Variants in JARID2 observed in about 807,000 individuals in gnomAD.
JARID2 encodes protein Jumonji.
In JARID2, 21 loss-of-function variants were observed where a neutral mutation model predicts 125.6. The ratio of observed to expected loss-of-function variants is 0.17; its 90% CI spans 0.12 to 0.24. JARID2 has a LOEUF of 0.24. Ranked by LOEUF, JARID2 falls within the 10% of genes least tolerant of loss-of-function variation. The probability of loss-of-function intolerance (pLI) is 1.00; values close to 1 mark genes in which losing one functional copy is unlikely to be tolerated. For missense variants in JARID2, 1,303 were observed against 1,639.6 expected, an observed-to-expected ratio of 0.79 and a Z score of 3.55; for synonymous variants, 736 against 661.6, an observed-to-expected ratio of 1.11 and a Z score of -1.73.
intron 1 of JARID2, among the ~76,000 whole-genome samples, chr6:15,334,743 G>A (rs183623385): frequency 3.9e-5 from 6 of 152,206 alleles, no homozygotes; most frequent in Admixed American, 3.9e-4. Context: ...GATACAGAAG[G>A]CCTTTTGAAA....
At chr6:15,419,804 C>G (rs1303641812) in intron 3 of JARID2, among the ~76,000 whole-genome samples, 1 of 152,146 alleles carries the variant, frequency 6.6e-6, no homozygotes, top group African/African-American at 2.4e-5. Context: ...TTTTGAATCC[C>G]TTACTGGTTT....
At chr6:15,330,291 G>C (rs1251618391) in intron 1 of JARID2, among the ~76,000 whole-genome samples, 1 of 152,142 alleles carries the variant, frequency 6.6e-6, no homozygotes, top group Non-Finnish European at 1.5e-5. Context: ...GTGGCCAGGA[G>C]GTTATTTGGT....
In JARID2 at chr6:15,407,571, C is replaced by G. The variant is rs117630156; in HGVS notation, c.182-2653C>G. ...AAAGGGTATAGGAACCCTTCCCAGT[C>G]TTCCTGAGCTGCTCCTAGTCCTTAT... On this transcript the variant is annotated intron_variant, in intron 2 of 17. Coordinates refer to ENST00000341776, the MANE Select transcript of JARID2 (RefSeq NM_004973.4). 2.0e-3 allele frequency among the ~76,000 whole-genome samples: 299 copies of G among 152,326 alleles called. 5 individuals carry two copies. In the East Asian group the frequency reaches 0.055, roughly 28 times the overall value.
intron 4 of JARID2, among the ~76,000 whole-genome samples, chr6:15,459,042 T>C (rs1167700505): frequency 1.3e-5 from 2 of 152,226 alleles, no homozygotes; most frequent in Admixed American, 1.3e-4. Context: ...TCTAGGGGCA[T>C]TGGCAGAAGG....
intron 1 of JARID2, among the ~76,000 whole-genome samples, chr6:15,316,334 C>G (rs1451112803): frequency 3.9e-5 from 6 of 152,074 alleles, no homozygotes. Context: ...CTCGGCCACC[C>G]AAAGTGTTGG....
chr6:15,512,803 C>T lies in JARID2; in HGVS notation c.3136-112C>T, dbSNP rs958397790. On this transcript the variant is annotated intron_variant, in intron 14 of 17. Transcript: ENST00000341776. ...TTTTGAAGAGTTTTTAATCTAAATGCAATTCAAGATTTAGAAATTCAGACA... is the reference window on the plus strand; with the variant it reads ...TTTTGAAGAGTTTTTAATCTAAATGTAATTCAAGATTTAGAAATTCAGACA... 1.0e-5 allele frequency: 11 copies of T among 1,054,934 alleles called. No individual in the cohort carries two copies. In the Admixed American group the frequency reaches 1.1e-4, roughly 11 times the overall value. 65.3% of individuals were successfully genotyped at this position (1,054,934 alleles called of 1,614,324 possible).
rs1399059092 is a variant in JARID2, at chr6:15,511,223, C to CG, written c.2847-68dup. 3 of 1,023,924 alleles carry CG rather than the reference C, an allele frequency of 2.9e-6. No individual in the cohort carries two copies. In the African/African-American group the frequency reaches 4.7e-5, roughly 16 times the overall value. The allele number at this position is 1,023,924 out of a possible 1,614,324, so 63.4% of individuals were successfully genotyped here. ...CGTGTGCTCGGGTCCCTGAGGGTGA[C>CG]GGGGGTGGCCCAGTACATGCAGGAG... On this transcript the variant is annotated intron_variant, in intron 12 of 17. Transcript: ENST00000341776.
At chr6:15,488,164 T>TCC (rs1297388969) in intron 6 of JARID2, among the ~76,000 whole-genome samples, 1 of 152,052 alleles carries the variant, frequency 6.6e-6, no homozygotes, top group Non-Finnish European at 1.5e-5. Flanking sequence ...CCACCCGCTA[T>TCC]CCCCCAACAG....
At chr6:15,456,144 C>CACGCACAAG (rs554830009) in intron 4 of JARID2, among the ~76,000 whole-genome samples, 67 of 152,292 alleles carry the variant, frequency 4.4e-4, no homozygotes, top group African/African-American at 1.5e-3. Flanking sequence ...TGTGTTTGTG[C>CACGCACAAG]TACATGTACT....
chr6:15,296,269 A>C (rs555681695), intron 1 of JARID2, among the ~76,000 whole-genome samples: 55 of 152,296 alleles, frequency 3.6e-4, no homozygotes, highest in Admixed American at 9.2e-4. Context: ...TGTAGCGTGC[A>C]TTCTAATAGA....
chr6:15,364,986 G>C lies in JARID2; in HGVS notation c.46-9131G>C, dbSNP rs538935442. Among the ~76,000 whole-genome samples the C allele has an allele frequency of 1.7e-4, 26 of 152,178 alleles. No individual in the cohort carries two copies. The South Asian group carries it at 5.4e-3, about 32-fold the overall frequency. On this transcript the variant is annotated intron_variant, in intron 1 of 17. Transcript: ENST00000341776. Reference sequence around the variant, plus strand: ...GGTGCAGATTAGAATGTGGCATTTGGGGATTTTTTGGGGGTATATCATAAT... The same window carrying C: ...GGTGCAGATTAGAATGTGGCATTTGCGGATTTTTTGGGGGTATATCATAAT...
chr6:15,499,064 C>G (rs747421590), intron 7 of JARID2, among the ~76,000 whole-genome samples: 8 of 152,178 alleles, frequency 5.3e-5, no homozygotes, highest in Non-Finnish European at 1.2e-4. Flanking sequence ...AAAAGCCATA[C>G]TGTGCCTCCC....
At chr6:15,401,898 G>GT (rs34203284) in intron 2 of JARID2, among the ~76,000 whole-genome samples, 2,482 of 126,450 alleles carry the variant, frequency 0.02, 54 homozygotes, top group African/African-American at 0.047. Flanking sequence ...GTTGTCAGCA[G>GT]TTTTTTTTTT....
In JARID2 at chr6:15,496,405, G is replaced by C. The variant is rs768784464; in HGVS notation, c.1180G>C (p.Gly394Arg). 6.2e-7 allele frequency: 1 copy of C among 1,613,710 alleles called. No homozygotes were observed. Among genetic ancestry groups the C allele is most frequent in the Non-Finnish European group, 8.5e-7 (1 of 1,179,872 alleles). The change falls in exon 7 of 18, where the codon GGG (glycine) becomes CGG (arginine). Residue 394 changes from glycine to arginine, a missense_variant. This residue lies in a region of JARID2 where 651 missense variants were observed against 581.6 expected (regional missense o/e 1.12). Coordinates refer to ENST00000341776, the MANE Select transcript of JARID2 (RefSeq NM_004973.4). ...AKTRKQVLSLGGASKSTGPAV... is the reference protein window; with the variant it reads ...AKTRKQVLSLRGASKSTGPAV... ...AACCCGCAAACAGGTGCTATCCCTCGGGGGGGCGTCCAAGTCCACTGGGCC... is the reference window on the plus strand; with the variant it reads ...AACCCGCAAACAGGTGCTATCCCTCCGGGGGGCGTCCAAGTCCACTGGGCC...
intron 1 of JARID2, among the ~76,000 whole-genome samples, chr6:15,294,403 A>T (rs972632059): frequency 6.6e-6 from 1 of 152,228 alleles, no homozygotes; most frequent in South Asian, 2.1e-4. Context: ...CGTGTTAGCC[A>T]GGATGGTCTC....
intron 1 of JARID2, chr6:15,248,440 A>AGCGGGGGCGGGGGCGGGGGCGGGG (rs1237390270): frequency 4.7e-4 from 4 of 8,540 alleles, no homozygotes; most frequent in Non-Finnish European, 7.3e-4. Flanking sequence ...AGGGGGTGGG[A>AGCGGGGGCGGGGGCGGGGGCGGGG]GCGGGGGCGG....
At chr6:15,516,696 C>T (rs1036197834) in intron 16 of JARID2, among the ~76,000 whole-genome samples, 14 of 152,214 alleles carry the variant, frequency 9.2e-5, no homozygotes, top group East Asian at 5.8e-4. Flanking sequence ...GTCAAGGGTG[C>T]GTTCCCCGGG....
At chr6:15,437,578 C>T (rs1216124868) in intron 3 of JARID2, among the ~76,000 whole-genome samples, 1 of 151,948 alleles carries the variant, frequency 6.6e-6, no homozygotes, top group African/African-American at 2.4e-5. Context: ...TTTTCTCTAC[C>T]CTCTTAAGTT....
intron 1 of JARID2, among the ~76,000 whole-genome samples, chr6:15,275,653 G>T (rs1405077213): frequency 6.6e-6 from 1 of 151,076 alleles, no homozygotes; most frequent in African/African-American, 2.4e-5. Context: ...GTTGATTATG[G>T]CGTTACATTA....
Sources: gnomAD v4.1 joint callset for allele counts (sites outside exome capture counted in the v4.1 genomes callset) on GRCh38, gnomAD v4.1.1 for gene constraint, gnomAD v4.1.1 regional missense constraint, MANE v1.5 for transcripts, NCBI Gene and HGNC (gene_info 2026-07-23, HGNC 2026-07-21) for gene names.